Variants in ST18 observed in about 807,000 individuals in gnomAD.
ST18 encodes the protein ST18 C2H2C-type zinc finger transcription factor.
Under a neutral mutation model 110.0 loss-of-function variants are expected in ST18, and 50 were observed. The ratio of observed to expected loss-of-function variants is 0.45; its 90% CI spans 0.36 to 0.58. ST18 has a LOEUF of 0.58. ST18 is among the 20% of genes least tolerant of loss of function. The pLI, the probability that ST18 is intolerant of heterozygous loss-of-function variation, is 0.00. For missense variants in ST18, 1,306 were observed against 1,280.1 expected, an observed-to-expected ratio of 1.02 and a Z score of -0.31; for synonymous variants, 461 against 452.4, an observed-to-expected ratio of 1.02 and a Z score of -0.24.
At chr8:52,205,984 A>G (rs190578505) in intron 8 of ST18, among the ~76,000 whole-genome samples, 269 of 152,324 alleles carry the variant, frequency 1.8e-3, no homozygotes, top group African/African-American at 6.0e-3. Context: ...TTAAATTAAT[A>G]TTTCCCCAAA....
intron 2 of ST18, among the ~76,000 whole-genome samples, chr8:52,391,801 A>G (rs1839396776): frequency 1.3e-5 from 2 of 152,202 alleles, no homozygotes; most frequent in Admixed American, 1.3e-4. Flanking sequence ...CTGTAATTCC[A>G]AATGGAGAAA....
intron 19 of ST18, 41 bp from the exon 20 acceptor site, chr8:52,133,342 G>A: frequency 6.2e-7 from 1 of 1,611,222 alleles, no homozygotes; most frequent in Non-Finnish European, 8.5e-7. Context: ...AGAAGTTGTA[G>A]TTGGGGGAGT....
At chr8:52,408,261 T>C (rs1845207323) in intron 2 of ST18, among the ~76,000 whole-genome samples, 1 of 152,238 alleles carries the variant, frequency 6.6e-6, no homozygotes, top group South Asian at 2.1e-4. Context: ...GCATAAATTA[T>C]TTAGGTTTAT....
chr8:52,263,081 G>T (rs555391083), intron 2 of ST18, among the ~76,000 whole-genome samples: 3 of 152,098 alleles, frequency 2.0e-5, no homozygotes, highest in Non-Finnish European at 4.4e-5. Context: ...GCTTTTAGTT[G>T]TCCCACTTTG....
chr8:52,343,676 T>A (rs949886026), intron 2 of ST18, among the ~76,000 whole-genome samples: 3 of 152,218 alleles, frequency 2.0e-5, no homozygotes, highest in Non-Finnish European at 2.9e-5. Flanking sequence ...ATGGTCGCTA[T>A]GAATCAACAA....
chr8:52,280,322 G>C (rs2095351899), intron 2 of ST18, among the ~76,000 whole-genome samples: 3 of 151,986 alleles, frequency 2.0e-5, no homozygotes, highest in South Asian at 4.2e-4. Flanking sequence ...AATCTTTCTA[G>C]TCATAAAACA....
intron 2 of ST18, among the ~76,000 whole-genome samples, chr8:52,353,047 T>G (rs969395470): frequency 6.6e-6 from 1 of 152,150 alleles, no homozygotes; most frequent in African/African-American, 2.4e-5. Flanking sequence ...TTTTCCACAC[T>G]TTTTTGCACA....
At chr8:52,124,838 G>A (rs963194802) in intron 23 of ST18, among the ~76,000 whole-genome samples, 2 of 145,116 alleles carry the variant, frequency 1.4e-5, no homozygotes, top group Admixed American at 6.7e-5. Context: ...AGCAGATGAA[G>A]GCCTTGGAAG....
Position 52,180,328 on chromosome 8 carries a change from A to G in ST18, c.87-16T>C. On this transcript the variant is annotated splice_polypyrimidine_tract_variant and intron_variant, in intron 8 of 25. Transcript: ENST00000689386. ...ATAGGCAACACTGTAGTGATTGAGG[A>G]AAATTAAGAATATGGTAAATTAGCA... The G allele has an allele frequency of 2.5e-6, 4 of 1,612,884 alleles. No individual in the cohort carries two copies. The highest frequency in any genetic ancestry group is 3.4e-6 in the Non-Finnish European group (4 of 1,179,204).
In ST18 at chr8:52,187,797, C is replaced by A. The variant is rs560295736; in HGVS notation, c.87-7485G>T. Among the ~76,000 whole-genome samples, 526 of 152,196 alleles carry A rather than the reference C, an allele frequency of 3.5e-3. 3 individuals are homozygous for A. The highest frequency in any genetic ancestry group is 0.024 in the Middle Eastern group (7 of 294). ...CGTATGTACATTTGGCCTAATTACCCAATACATAAATTAAAGAACCATGTC... is the reference window on the plus strand; with the variant it reads ...CGTATGTACATTTGGCCTAATTACCAAATACATAAATTAAAGAACCATGTC... On this transcript the variant is annotated intron_variant, in intron 8 of 25. Transcript: ENST00000689386.
At chr8:52,379,684 C>T (rs1590451602) in intron 2 of ST18, among the ~76,000 whole-genome samples, 2 of 152,152 alleles carry the variant, frequency 1.3e-5, no homozygotes, top group South Asian at 4.2e-4. Flanking sequence ...GTATCATTTA[C>T]TACCATTAAA....
rs998934132 is a variant in ST18 at position 52,131,867 on chromosome 8, T to A, written c.2666+91A>T. On this transcript the variant is annotated intron_variant, in intron 22 of 25. Transcript: ENST00000689386. ...ATCTCAACTGCTACAGTGAACAACCTTTAGGGGGTTGTTCACAACCCTCTC... is the reference window on the plus strand; with the variant it reads ...ATCTCAACTGCTACAGTGAACAACCATTAGGGGGTTGTTCACAACCCTCTC... 7.4e-6 allele frequency: 9 copies of A among 1,212,374 alleles called. No individual in the cohort carries two copies. The African/African-American group carries it at 1.1e-4, about 14-fold the overall frequency. The allele number at this position is 1,212,374 out of a possible 1,614,324, so 75.1% of individuals were successfully genotyped here.
intron 8 of ST18, among the ~76,000 whole-genome samples, chr8:52,186,342 G>T (rs1435302300): frequency 6.6e-6 from 1 of 152,164 alleles, no homozygotes; most frequent in African/African-American, 2.4e-5. Context: ...TTCGTCTCCA[G>T]GGAAATGCAA....
In ST18 at chr8:52,233,397, T is replaced by G. The variant is rs561959637; in HGVS notation, c.-464-3320A>C. On this transcript the variant is annotated intron_variant, in intron 2 of 25. Coordinates refer to ENST00000689386, the MANE Select transcript of ST18 (RefSeq NM_001352837.2). ...AACATGGGAGAACAATCTGATGAGC[T>G]TGACAAAAACTCCACCCTAGGAGTA... 2.0e-5 allele frequency among the ~76,000 whole-genome samples: 3 copies of G among 152,218 alleles called. No individual in the cohort carries two copies. In the South Asian group the frequency reaches 6.2e-4, roughly 32 times the overall value.
intron 2 of ST18, among the ~76,000 whole-genome samples, chr8:52,363,090 T>C (rs558401406): frequency 6.6e-6 from 1 of 152,234 alleles, no homozygotes; most frequent in Admixed American, 6.5e-5. Context: ...CGGGTGCCTG[T>C]AGTCACAGCT....
chr8:52,266,369 C>G (rs7813652), intron 2 of ST18, among the ~76,000 whole-genome samples: 8,563 of 151,858 alleles, frequency 0.056, 814 homozygotes, highest in African/African-American at 0.2. Flanking sequence ...GTTTTGTGCT[C>G]AAGACACCAG....
chr8:52,115,703 G>A (rs2042279440), intron 25 of ST18, among the ~76,000 whole-genome samples: 1 of 152,136 alleles, frequency 6.6e-6, no homozygotes, highest in Non-Finnish European at 1.5e-5. Flanking sequence ...TTCTTAGAAC[G>A]TGTGCCCATT....
At chr8:52,354,816 C>A (rs1821953867) in intron 2 of ST18, among the ~76,000 whole-genome samples, 1 of 152,324 alleles carries the variant, frequency 6.6e-6, no homozygotes, top group East Asian at 1.9e-4. Context: ...CTGGCCAAGA[C>A]AGATGTCCTT....
intron 2 of ST18, among the ~76,000 whole-genome samples, chr8:52,363,737 T>G (rs553406777): frequency 1.3e-5 from 2 of 152,128 alleles, no homozygotes; most frequent in African/African-American, 2.4e-5. Context: ...AGAATTCAAG[T>G]GGTTTTTTTT....
Sources: gnomAD v4.1 joint callset for allele counts (sites outside exome capture counted in the v4.1 genomes callset) on GRCh38, gnomAD v4.1.1 for gene constraint, MANE v1.5 for transcripts, NCBI Gene and HGNC (gene_info 2026-07-23, HGNC 2026-07-21) for gene names.